The following GPR158 variants were observed in gnomAD, a reference collection of about 807,000 sequenced individuals.
GPR158 encodes the protein metabotropic glycine receptor.
GPR158 carries 30 observed loss-of-function variants against 78.2 expected under a neutral mutation model. The observed-to-expected ratio is 0.38, with a 90% confidence interval of 0.29 to 0.52. The LOEUF is 0.52. Among genes scored for constraint, GPR158 ranks in the 20% least tolerant of loss-of-function variants. The probability of loss-of-function intolerance (pLI) is 0.83; values close to 1 mark genes in which losing one functional copy is unlikely to be tolerated. For missense variants in GPR158, 1,463 were observed against 1,523.5 expected (o/e 0.96, Z 0.66); for synonymous variants, 581 against 591.1 (o/e 0.98, Z 0.25).
intron 6 of GPR158, among the ~76,000 whole-genome samples, chr10:25,565,356 G>A (rs1836915705): frequency 6.6e-6 from 1 of 152,254 alleles, no homozygotes; most frequent in East Asian, 1.9e-4. Flanking sequence ...GATGTAAATT[G>A]GATGAGGTTC....
chr10:25,465,256 C>T (rs148461753), intron 4 of GPR158, among the ~76,000 whole-genome samples: 61 of 152,214 alleles, frequency 4.0e-4, no homozygotes, highest in Admixed American at 1.2e-3. Context: ...ATTTACACCA[C>T]GTGTAATTTC....
At chr10:25,340,327 GT>G (rs1261402483) in intron 2 of GPR158, among the ~76,000 whole-genome samples, 1 of 152,226 alleles carries the variant, frequency 6.6e-6, no homozygotes, top group Admixed American at 6.5e-5. Context: ...ATGACCAGAA[GT>G]GGGGGTTCCA....
At chr10:25,448,229 T>C (rs1434156662) in intron 4 of GPR158, among the ~76,000 whole-genome samples, 10 of 151,674 alleles carry the variant, frequency 6.6e-5, no homozygotes, top group Admixed American at 4.6e-4. Flanking sequence ...GGACTACAGG[T>C]GCCCGCCACC....
chr10:25,177,799 G>A (rs2130623986), intron 1 of GPR158, among the ~76,000 whole-genome samples: 1 of 152,332 alleles, frequency 6.6e-6, no homozygotes, highest in Admixed American at 6.5e-5. Context: ...CATATTAAGT[G>A]CATGTGTGTG....
chr10:25,317,953 T>G (rs1425651580), intron 2 of GPR158, among the ~76,000 whole-genome samples: 1 of 152,128 alleles, frequency 6.6e-6, no homozygotes, highest in Non-Finnish European at 1.5e-5. Flanking sequence ...GGTCTCAACC[T>G]CCTGACCTCG....
intron 4 of GPR158, among the ~76,000 whole-genome samples, chr10:25,442,747 G>A (rs146654319): frequency 1.2e-4 from 19 of 152,074 alleles, no homozygotes; most frequent in African/African-American, 3.4e-4. Context: ...CCATTTCAAA[G>A]TTCCATCAGT....
At chr10:25,507,328 G>A (rs991781753) in intron 5 of GPR158, among the ~76,000 whole-genome samples, 4 of 152,196 alleles carry the variant, frequency 2.6e-5, no homozygotes, top group Admixed American at 1.3e-4. Context: ...GAGGAGCCTC[G>A]TTAAAAAGTC....
intron 7 of GPR158, among the ~76,000 whole-genome samples, chr10:25,574,166 A>C (rs1001941209): frequency 6.6e-6 from 1 of 150,668 alleles, no homozygotes; most frequent in Non-Finnish European, 1.5e-5. Context: ...AAAAAAAAAA[A>C]AAAAAACCTC....
intron 4 of GPR158, among the ~76,000 whole-genome samples, chr10:25,449,165 C>T (rs1835181013): frequency 6.6e-6 from 1 of 152,170 alleles, no homozygotes; most frequent in Admixed American, 6.6e-5. Flanking sequence ...TAATGCTGCG[C>T]ATGAAGCTTT....
chr10:25,285,059 C>G (rs552611687), intron 2 of GPR158, among the ~76,000 whole-genome samples: 33 of 108,530 alleles, frequency 3.0e-4, no homozygotes, highest in Admixed American at 1.4e-3. Flanking sequence ...ATTTCCAGTT[C>G]TATTCATTGT....
intron 7 of GPR158, among the ~76,000 whole-genome samples, chr10:25,586,370 G>GT (rs1204581565): frequency 2.0e-5 from 3 of 149,142 alleles, no homozygotes; most frequent in African/African-American, 7.4e-5. Flanking sequence ...TATTTCCAGG[G>GT]TTGTAAGTAG....
At chr10:25,581,032 C>G (rs1837190276) in intron 7 of GPR158, among the ~76,000 whole-genome samples, 1 of 149,266 alleles carries the variant, frequency 6.7e-6, no homozygotes, top group Admixed American at 6.7e-5. Context: ...TCACGCCATT[C>G]TCCTGCCTCA....
intron 2 of GPR158, among the ~76,000 whole-genome samples, chr10:25,317,988 G>T (rs1457376709): frequency 1.3e-5 from 2 of 152,136 alleles, no homozygotes; most frequent in Non-Finnish European, 2.9e-5. Flanking sequence ...CTCCCAAAGT[G>T]CTAGGATTAC....
intron 2 of GPR158, among the ~76,000 whole-genome samples, chr10:25,278,424 G>A (rs1392867149): frequency 1.3e-5 from 2 of 152,058 alleles, no homozygotes; most frequent in Admixed American, 6.6e-5. Context: ...AAGATATTTG[G>A]AGGATTAAAT....
At chr10:25,411,432 T>A (rs17627109) in intron 3 of GPR158, among the ~76,000 whole-genome samples, 4,287 of 152,286 alleles carry the variant, frequency 0.028, 83 homozygotes, top group Non-Finnish European at 0.043. Context: ...ACTTGGTAGA[T>A]GAGATCCCTG....
At chr10:25,209,702 C>T (rs188445744) in intron 1 of GPR158, among the ~76,000 whole-genome samples, 29 of 152,234 alleles carry the variant, frequency 1.9e-4, no homozygotes, top group African/African-American at 6.7e-4. Flanking sequence ...GTCTTGACCC[C>T]GGCTTTGTTT....
intron 5 of GPR158, among the ~76,000 whole-genome samples, chr10:25,538,065 A>G (rs1165831124): frequency 6.6e-6 from 1 of 152,184 alleles, no homozygotes; most frequent in Non-Finnish European, 1.5e-5. Context: ...TACAAAATGA[A>G]AAAAATTTTT....
intron 2 of GPR158, among the ~76,000 whole-genome samples, chr10:25,329,308 C>T (rs1047912920): frequency 6.6e-6 from 1 of 151,790 alleles, no homozygotes; most frequent in East Asian, 1.9e-4. Context: ...GGCGTGGTGG[C>T]GGGCACCTGT....
At chr10:25,487,332 C>T (rs1309402905) in intron 5 of GPR158, among the ~76,000 whole-genome samples, 2 of 152,058 alleles carry the variant, frequency 1.3e-5, no homozygotes, top group Non-Finnish European at 2.9e-5. Flanking sequence ...CACTTCTATA[C>T]GAGGACTAAT....
Sources: gnomAD v4.1 joint callset for allele counts (sites outside exome capture counted in the v4.1 genomes callset) on GRCh38, gnomAD v4.1.1 for gene constraint, MANE v1.5 for transcripts, NCBI Gene and HGNC (gene_info 2026-07-23, HGNC 2026-07-21) for gene names.